PRKCB: variants seen among roughly 807,000 people sequenced by gnomAD.
The protein encoded by PRKCB is protein kinase C beta.
PRKCB carries 13 observed loss-of-function variants against 81.5 expected under a neutral mutation model. The observed-to-expected ratio is 0.16, with a 90% CI of 0.10 to 0.25. The LOEUF (loss-of-function observed/expected upper bound fraction) is 0.25. PRKCB is among the 10% of genes least tolerant of loss of function. The pLI, the probability that PRKCB is intolerant of heterozygous loss-of-function variation, is 1.00. For missense variants in PRKCB, 509 were observed against 875.7 expected (o/e 0.58, Z 5.29); for synonymous variants, 335 against 321.4 (o/e 1.04, Z -0.45).
chr16:24,145,818 C>T (rs961509395), intron 9 of PRKCB, among the ~76,000 whole-genome samples: 1 of 152,216 alleles, frequency 6.6e-6, no homozygotes, highest in Non-Finnish European at 1.5e-5. Context: ...CATCAGCCCC[C>T]TTTGTTGTTT....
chr16:23,893,671 A>G (rs998845382), intron 2 of PRKCB: 1 of 152,246 alleles, frequency 6.6e-6, no homozygotes, highest in East Asian at 1.9e-4. Flanking sequence ...GAGTACTCTC[A>G]CACCATAATA....
intron 10 of PRKCB, among the ~76,000 whole-genome samples, chr16:24,160,698 A>C (rs935048812): frequency 3.3e-5 from 5 of 152,336 alleles, no homozygotes; most frequent in East Asian, 3.9e-4. Flanking sequence ...GACTGATAAT[A>C]AACTATAATA....
chr16:24,084,559 A>G (rs1966289726), intron 5 of PRKCB, among the ~76,000 whole-genome samples: 1 of 152,186 alleles, frequency 6.6e-6, no homozygotes, highest in Non-Finnish European at 1.5e-5. Flanking sequence ...TTGAATCCTG[A>G]ACCCTTCAAT....
intron 6 of PRKCB, 72 bp from the exon 7 acceptor site, chr16:24,094,091 C>T (rs1214795617): frequency 6.0e-6 from 9 of 1,511,986 alleles, no homozygotes; most frequent in Non-Finnish European, 7.2e-6. Flanking sequence ...CAGGTCTTGT[C>T]CTCTTGTACA....
intron 2 of PRKCB, among the ~76,000 whole-genome samples, chr16:23,879,839 C>T (rs9928089): frequency 0.04 from 6,061 of 152,234 alleles, 374 homozygotes; most frequent in African/African-American, 0.14. Context: ...TAGTTCAGAG[C>T]ATAGGCTCTT....
chr16:23,886,956 G>T (rs1963213153), intron 2 of PRKCB, among the ~76,000 whole-genome samples: 1 of 152,048 alleles, frequency 6.6e-6, no homozygotes, highest in Non-Finnish European at 1.5e-5. Context: ...TTCTTGGGGG[G>T]TCACTGGGGC....
rs141426227 is a variant in PRKCB, at chr16:24,193,258, C to T, written c.1863+2028C>T. Among the ~76,000 whole-genome samples the T allele has an allele frequency of 7.8e-3, 1,179 of 151,910 alleles. 5 individuals carry two copies. Among genetic ancestry groups the T allele is most frequent in the Non-Finnish European group, 0.012 (849 of 67,986 alleles). On this transcript the variant is annotated intron_variant, in intron 16 of 16. Coordinates refer to ENST00000643927, the MANE Select transcript of PRKCB (RefSeq NM_002738.7). ...AGGAGTTCGAGATCAGCCTGGCCAA[C>T]GTGGTAAAACCCCATCTCTACTAAA...
chr16:24,079,142 C>A (rs1455763134), intron 5 of PRKCB, among the ~76,000 whole-genome samples: 1 of 152,208 alleles, frequency 6.6e-6, no homozygotes, highest in African/African-American at 2.4e-5. Flanking sequence ...TATATTCTCC[C>A]CCGCCCTTAA....
At chr16:24,165,922 T>C (rs1232033381) in intron 10 of PRKCB, among the ~76,000 whole-genome samples, 1 of 135,646 alleles carries the variant, frequency 7.4e-6, no homozygotes, top group Admixed American at 8.0e-5. Context: ...AGGGTCTCAC[T>C]CTTCCCCAGG....
chr16:23,940,015 A>C (rs1435441475), intron 2 of PRKCB, among the ~76,000 whole-genome samples: 1 of 152,230 alleles, frequency 6.6e-6, no homozygotes, highest in Non-Finnish European at 1.5e-5. Flanking sequence ...AGAAACAAAC[A>C]ATCCAATTAA....
At chr16:23,948,727 A>C (rs1382752972) in intron 2 of PRKCB, among the ~76,000 whole-genome samples, 1 of 152,150 alleles carries the variant, frequency 6.6e-6, no homozygotes, top group Non-Finnish European at 1.5e-5. Flanking sequence ...TCTCACAGTA[A>C]CCTAGTGAGG....
chr16:23,892,360 A>G (rs1005216064), intron 2 of PRKCB, among the ~76,000 whole-genome samples: 16 of 152,196 alleles, frequency 1.1e-4, no homozygotes, highest in Non-Finnish European at 1.9e-4. Context: ...TTCAGGATGC[A>G]GTATCAGCTG....
chr16:23,981,062 A>G (rs1964694443), intron 2 of PRKCB, among the ~76,000 whole-genome samples: 2 of 152,036 alleles, frequency 1.3e-5, no homozygotes, highest in South Asian at 4.2e-4. Context: ...TGCTGCTGTA[A>G]CAAATTACCA....
chr16:23,917,092 T>C (rs1037269662), intron 2 of PRKCB, among the ~76,000 whole-genome samples: 1 of 151,932 alleles, frequency 6.6e-6, no homozygotes, highest in African/African-American at 2.4e-5. Flanking sequence ...TCTATTTTTA[T>C]TTATTTATTT....
At chr16:24,013,688 A>G (rs940981494) in intron 3 of PRKCB, among the ~76,000 whole-genome samples, 8 of 152,108 alleles carry the variant, frequency 5.3e-5, no homozygotes, top group African/African-American at 1.9e-4. Flanking sequence ...AGGATGCTGC[A>G]TGAACATAAT....
At chr16:23,866,951 T>TCTTCCTTCC (rs139638549) in intron 2 of PRKCB, among the ~76,000 whole-genome samples, 2 of 119,102 alleles carry the variant, frequency 1.7e-5, no homozygotes, top group African/African-American at 3.2e-5. Context: ...CCCCTTCCTT[T>TCTTCCTTCC]CTTCCTTCCC....
intron 5 of PRKCB, among the ~76,000 whole-genome samples, chr16:24,079,371 C>G (rs1966220718): frequency 6.6e-6 from 1 of 152,180 alleles, no homozygotes; most frequent in Non-Finnish European, 1.5e-5. Context: ...CTGGACTGAA[C>G]CTTGGGGCAC....
chr16:24,213,732 C>A lies in PRKCB; in HGVS notation c.1864-926C>A, dbSNP rs146895188. On this transcript the variant is annotated intron_variant, in intron 16 of 16. Coordinates refer to ENST00000643927, the MANE Select transcript of PRKCB (RefSeq NM_002738.7). ...CAAAGAACAAGGAACCCCAAATTAG[C>A]GGTTTGCCCCTTCTCATTAGGTGGG... is the stretch of plus-strand genomic sequence containing the variant. Among the ~76,000 whole-genome samples the A allele has an allele frequency of 3.2e-4, 49 of 152,314 alleles. No individual in the cohort carries two copies. In the East Asian group the frequency reaches 9.1e-3, roughly 28 times the overall value.
intron 10 of PRKCB, among the ~76,000 whole-genome samples, chr16:24,167,033 T>G (rs1023896547): frequency 3.3e-5 from 5 of 152,178 alleles, no homozygotes; most frequent in African/African-American, 9.6e-5. Context: ...TACTTCTCTC[T>G]CTGTGGCCAA....
Sources: allele counts gnomAD v4.1 joint callset (sites outside exome capture counted in the v4.1 genomes callset), GRCh38; gene constraint gnomAD v4.1.1; transcripts MANE v1.5; gene names NCBI Gene and HGNC (gene_info 2026-07-23, HGNC 2026-07-21).